The following UPF1 variants were observed in gnomAD, a reference collection of about 807,000 sequenced individuals.
UPF1 encodes the protein regulator of nonsense transcripts 1.
A neutral mutation model predicts 129.2 loss-of-function variants in UPF1; 9 were observed. That is an observed-to-expected ratio of 0.07 (90% CI 0.04 to 0.12). UPF1 has a LOEUF of 0.12. Ranked by LOEUF, UPF1 falls within the 10% of genes least tolerant of loss-of-function variation. The pLI is 1.00. For missense variants in UPF1, 788 were observed against 1,525.3 expected (o/e 0.52, Z 8.05); for synonymous variants, 649 against 644.9 (o/e 1.01, Z -0.10).
At chr19:18,856,342 G>C in intron 13 of UPF1, 42 bp downstream of exon 13, 1 of 1,549,030 alleles carries the variant, frequency 6.5e-7, no homozygotes. Flanking sequence ...GTGGGCTGGC[G>C]GCCTGATGGT....
In UPF1 at chr19:18,850,610, C is replaced by T; in HGVS notation, c.630-78C>T. On this transcript the variant is annotated intron_variant, in intron 4 of 23. Coordinates refer to ENST00000262803, the MANE Select transcript of UPF1 (RefSeq NM_002911.4). This position sits in a 1 kb window ranked among gnomAD's most constrained non-coding sequence, Gnocchi z 7.1. ...GGGCATGCCCCTTTGGGTGAAAGGT[C>T]AGCATGGGAGGGGGCCCTCCCTGCT... 1 of 1,448,262 alleles carries T rather than the reference C, an allele frequency of 6.9e-7. No homozygotes were observed. Among genetic ancestry groups the T allele is most frequent in the African/African-American group, 1.4e-5 (1 of 70,430 alleles). 89.7% of individuals were successfully genotyped at this position (1,448,262 alleles called of 1,614,324 possible).
rs981788709 is a variant in UPF1 at position 18,865,053 on chromosome 19, G to T, written c.2858-236G>T. On this transcript the variant is annotated intron_variant, in intron 20 of 23. Transcript: ENST00000262803. This position sits in a 1 kb window ranked among gnomAD's most constrained non-coding sequence, Gnocchi z 6.1. ...CCCGGCCCCAATTTTCAGTTTTTAAGATCTGTGTAGGCCAATGATTCCCAG... is the reference window on the plus strand; with the variant it reads ...CCCGGCCCCAATTTTCAGTTTTTAATATCTGTGTAGGCCAATGATTCCCAG... 6.6e-6 allele frequency among the ~76,000 whole-genome samples: 1 copy of T among 152,220 alleles called. No homozygotes were observed. The highest frequency in any genetic ancestry group is 2.4e-5 in the African/African-American group (1 of 41,458).
At chr19:18,843,754 G>A (rs1481789249) in intron 1 of UPF1, among the ~76,000 whole-genome samples, 2 of 146,574 alleles carry the variant, frequency 1.4e-5, no homozygotes, top group Admixed American at 1.4e-4. Flanking sequence ...TGTGTGTGTT[G>A]TTGTTAAGAG....
At chr19:18,844,470 C>T (rs948837697) in intron 1 of UPF1, among the ~76,000 whole-genome samples, 2 of 149,978 alleles carry the variant, frequency 1.3e-5, no homozygotes, top group Admixed American at 6.7e-5. Context: ...ATTACAGGCA[C>T]GTGCCACCAC....
In UPF1 at chr19:18,864,217, C is replaced by T. The variant is rs2055813867; in HGVS notation, c.2823C>T (p.Ile941=). ...CCATGTATGATGCCCGGGAGGCCAT[C>T]ATCCCAGGCTCCGTCTATGATCGGA... ...TTAMYDAREA[I]IPGSVYDRSS... Residue 941 remains isoleucine (I), a synonymous_variant, in exon 20 of 24, where the codon ATC becomes ATT. Coordinates refer to ENST00000262803, the MANE Select transcript of UPF1 (RefSeq NM_002911.4). The T allele has an allele frequency of 6.2e-7, 1 of 1,613,844 alleles. No individual in the cohort carries two copies. Among genetic ancestry groups the T allele is most frequent in the East Asian group, 2.2e-5 (1 of 44,882 alleles).
intron 1 of UPF1, among the ~76,000 whole-genome samples, chr19:18,843,717 T>TTGTGTGTGTGTGTG (rs72080135): frequency 1.4e-5 from 2 of 143,994 alleles, no homozygotes; most frequent in African/African-American, 2.6e-5. Context: ...TTGGCCAGGC[T>TTGTGTGTGTGTGTG]TGTGTGTGTG....
chr19:18,859,735 G>A (rs912259084), intron 15 of UPF1: 1 of 152,420 alleles, frequency 6.6e-6, no homozygotes, highest in African/African-American at 2.4e-5. Flanking sequence ...CAGTTTTAAG[G>A]AAACGCAACA....
intron 13 of UPF1, among the ~76,000 whole-genome samples, chr19:18,856,670 T>C (rs553414244): frequency 3.3e-5 from 5 of 152,336 alleles, no homozygotes; most frequent in African/African-American, 1.2e-4. Context: ...GAGGTTGCCT[T>C]CTGTGAAACA....
intron 1 of UPF1, among the ~76,000 whole-genome samples, chr19:18,842,544 C>T (rs1033940034): frequency 2.6e-5 from 4 of 152,110 alleles, no homozygotes; most frequent in African/African-American, 9.7e-5. Flanking sequence ...GAGGAAATAT[C>T]AGGGCAGAAT....
chr19:18,855,471 G>C (rs550910917), intron 11 of UPF1: 24 of 605,060 alleles, frequency 4.0e-5, no homozygotes, highest in East Asian at 3.7e-4. Flanking sequence ...CTGGGGGCAG[G>C]GGGGGCATGG....
At chr19:18,855,680 CA>C (rs200509487) in intron 11 of UPF1, 1,917 of 500,608 alleles carry the variant, frequency 3.8e-3, no homozygotes, top group South Asian at 4.6e-3. Flanking sequence ...GACGTCTCTA[CA>C]AAAAAAAAAT....
Position 18,857,022 on chromosome 19 carries a change from TG to T in UPF1, c.1968+5del, listed in dbSNP as rs1252114099. The T allele has an allele frequency of 6.2e-7, 1 of 1,607,832 alleles. No homozygotes were observed. The highest frequency in any genetic ancestry group is 2.2e-5 in the East Asian group (1 of 44,846). On this transcript the variant is annotated splice_donor_region_variant and intron_variant, in intron 14 of 23. Transcript: ENST00000262803. ...CCCGTGGTCCTCGGGGCCAAGCAGG[TG>T]GGCTGCCTCCCCTGCCCTCCTGTGT...
chr19:18,834,027 G>A (rs2055457425), intron 1 of UPF1, among the ~76,000 whole-genome samples: 1 of 152,176 alleles, frequency 6.6e-6, no homozygotes, highest in Non-Finnish European at 1.5e-5. Flanking sequence ...GAGGGAGAGA[G>A]GAGAGTTCTC....
At chr19:18,866,195 C>A in intron 23 of UPF1, 29 bp downstream of exon 23, 1 of 1,545,216 alleles carries the variant, frequency 6.5e-7, no homozygotes, top group East Asian at 2.4e-5. Flanking sequence ...GGCCTGGCCC[C>A]ACCCCAGCCT....
At chr19:18,860,245 T>C (rs1490153341) in intron 15 of UPF1, 76 bp from the exon 16 acceptor site, 2 of 1,468,244 alleles carry the variant, frequency 1.4e-6, no homozygotes, top group Non-Finnish European at 1.9e-6. Context: ...GCGTAGCAAC[T>C]ACATTGCCCT....
In UPF1 at chr19:18,832,999, C is replaced by G. The variant is rs1357645779; in HGVS notation, c.231+559C>G. On this transcript the variant is annotated intron_variant, in intron 1 of 23. Transcript: ENST00000262803. This position sits in a 1 kb window ranked among gnomAD's most constrained non-coding sequence, Gnocchi z 5.6. ...TCAGGCCGGAGCTTGAGTGACTTCC[C>G]TCAGTCCCTTTCCGGGAGTATCCAG... 1 of 152,330 alleles carries G rather than the reference C, an allele frequency of 6.6e-6. No individual in the cohort carries two copies. The highest frequency in any genetic ancestry group is 1.5e-5 in the Non-Finnish European group (1 of 68,150). The allele number at this position is 152,330 out of a possible 1,614,324, so 9.4% of individuals were successfully genotyped here. A position where few individuals can be genotyped will look rare whatever the true frequency, so the allele number is the denominator to read the frequency against.
At position 18,854,793 on chromosome 19, in the gene UPF1, G is replaced by A. The variant is rs1410727819; in HGVS notation, c.1265+84G>A. 3 of 1,605,944 alleles carry A rather than the reference G, an allele frequency of 1.9e-6. No homozygotes were observed. The East Asian group carries it at 6.7e-5, about 36-fold the overall frequency. On this transcript the variant is annotated intron_variant, in intron 9 of 23. Transcript: ENST00000262803. ...GAGCCCTCCCCGTCACTGTGGAGTG[G>A]GGTTCCCCACCCAGCTCTGCAAACT...
In UPF1 at chr19:18,850,619, A is replaced by G. The variant is rs1200606803; in HGVS notation, c.630-69A>G. ...CCTTTGGGTGAAAGGTCAGCATGGG[A>G]GGGGGCCCTCCCTGCTCCGGGGCTT... On this transcript the variant is annotated intron_variant, in intron 4 of 23. Transcript: ENST00000262803. This position sits in a 1 kb window ranked among gnomAD's most constrained non-coding sequence, Gnocchi z 7.1. 6.8e-5 allele frequency: 100 copies of G among 1,470,632 alleles called. No individual in the cohort carries two copies. The highest frequency in any genetic ancestry group is 8.7e-5 in the Non-Finnish European group (97 of 1,112,424). The allele number at this position is 1,470,632 out of a possible 1,614,324, so 91.1% of individuals were successfully genotyped here.
At chr19:18,857,186 G>A (rs1350625187) in intron 14 of UPF1, 134 bp from the exon 15 acceptor site, 24 of 1,464,534 alleles carry the variant, frequency 1.6e-5, no homozygotes, top group Non-Finnish European at 2.2e-5. Flanking sequence ...TGCACGTCCA[G>A]TGTGCGTGGT....
Sources: allele counts gnomAD v4.1 joint callset (sites outside exome capture counted in the v4.1 genomes callset), GRCh38; gene constraint gnomAD v4.1.1; non-coding constraint Gnocchi (gnomAD v3.1); transcripts MANE v1.5; gene names NCBI Gene and HGNC (gene_info 2026-07-23, HGNC 2026-07-21).